MXD1: variants seen among roughly 807,000 people sequenced by gnomAD.
MXD1 encodes the protein MAX dimerization protein 1, also known as MAX-binding protein.
MXD1 carries 9 observed loss-of-function variants against 25.7 expected under a neutral mutation model. That is an observed-to-expected ratio of 0.35 (90% CI 0.21 to 0.61). The LOEUF (loss-of-function observed/expected upper bound fraction) is 0.61. Ranked by LOEUF, MXD1 falls within the 20% of genes least tolerant of loss-of-function variation. The pLI is 0.75. For missense variants in MXD1, 227 were observed against 292.4 expected (o/e 0.78, Z 1.63); for synonymous variants, 99 against 113.9 (o/e 0.87, Z 0.83).
chr2:69,920,135 C>T (rs1031861406), intron 2 of MXD1, among the ~76,000 whole-genome samples: 5 of 152,116 alleles, frequency 3.3e-5, no homozygotes, highest in East Asian at 1.9e-4. Flanking sequence ...ATTACAGGCA[C>T]GCGCCACCAC....
rs1017826130 is a variant in MXD1, at chr2:69,915,316, G to T, written c.-15G>T. On this transcript the variant is annotated 5_prime_UTR_variant, in exon 1 of 6. Transcript: ENST00000264444. This position sits in a 1 kb window ranked among gnomAD's most constrained non-coding sequence, Gnocchi z 5.8. ...CAGTGGGGGTTGGTCCCGTGGCTCCGGCCCCCGGTGCAGAATGGCGGCGGC... is the reference window on the plus strand; with the variant it reads ...CAGTGGGGGTTGGTCCCGTGGCTCCTGCCCCCGGTGCAGAATGGCGGCGGC... 3 of 1,308,630 alleles carry T rather than the reference G, an allele frequency of 2.3e-6. No homozygotes were observed. The highest frequency in any genetic ancestry group is 9.8e-7 in the Non-Finnish European group (1 of 1,019,920). 81.1% of individuals were successfully genotyped at this position (1,308,630 alleles called of 1,614,324 possible). A position where few individuals can be genotyped will look rare whatever the true frequency, so the allele number is the denominator to read the frequency against.
At chr2:69,937,673 G>C (rs3771530) in intron 5 of MXD1, among the ~76,000 whole-genome samples, 73,464 of 151,994 alleles carry the variant, frequency 0.48, 19,884 homozygotes, top group African/African-American at 0.75. Context: ...GGAGTGCAGT[G>C]GTGTGATCTT....
intron 5 of MXD1, 106 bp from the exon 6 acceptor site, chr2:69,937,991 C>T: frequency 9.6e-7 from 1 of 1,042,560 alleles, no homozygotes; most frequent in Non-Finnish European, 1.4e-6. Flanking sequence ...AAGTGATCCA[C>T]CCGCCTTTGC....
chr2:69,933,204 A>G (rs1353405609), intron 3 of MXD1, among the ~76,000 whole-genome samples: 1 of 39,526 alleles, frequency 2.5e-5, no homozygotes, highest in Non-Finnish European at 4.3e-5. Flanking sequence ...CTGTCTCAAA[A>G]AAAAAAAAAA....
chr2:69,920,742 G>A (rs1388311912), intron 2 of MXD1, among the ~76,000 whole-genome samples: 2 of 152,174 alleles, frequency 1.3e-5, no homozygotes, highest in Admixed American at 6.5e-5. Context: ...GAAAGGTCAA[G>A]CAAGATTCAG....
rs530003789 is a variant in MXD1 at position 69,926,427 on chromosome 2, C to G, written c.203+4662C>G. On this transcript the variant is annotated intron_variant, in intron 3 of 5. Transcript: ENST00000264444. ...CTGTGAATTCCCCAACCCCTAAATT[C>G]TTTGGGGAGTTTAAAAATTGACATT... is the stretch of plus-strand genomic sequence containing the variant. Among the ~76,000 whole-genome samples the G allele has an allele frequency of 2.6e-5, 4 of 151,734 alleles. No individual in the cohort carries two copies. In the South Asian group the frequency reaches 8.3e-4, roughly 32 times the overall value.
chr2:69,938,505 G>A lies in MXD1; in HGVS notation c.*221G>A. The A allele has an allele frequency of 3.8e-6, 2 of 531,986 alleles. No individual in the cohort carries two copies. The highest frequency in any genetic ancestry group is 3.3e-5 in the East Asian group (1 of 30,390). 33.0% of individuals were successfully genotyped at this position (531,986 alleles called of 1,614,324 possible). A position where few individuals can be genotyped will look rare whatever the true frequency, so the allele number is the denominator to read the frequency against. On this transcript the variant is annotated 3_prime_UTR_variant, in exon 6 of 6. Coordinates refer to ENST00000264444, the MANE Select transcript of MXD1 (RefSeq NM_002357.4). ...TCGCCATAAAAATTTGTCTCTGAGAGACTATACATTCCAATCAATTTGAAG... is the reference window on the plus strand; with the variant it reads ...TCGCCATAAAAATTTGTCTCTGAGAAACTATACATTCCAATCAATTTGAAG...
At position 69,915,766 on chromosome 2, in the gene MXD1, G is replaced by T. The variant is rs1213690598; in HGVS notation, c.74-355G>T. Among the ~76,000 whole-genome samples the T allele has an allele frequency of 6.6e-6, 1 of 152,224 alleles. No homozygotes were observed. The highest frequency in any genetic ancestry group is 1.5e-5 in the Non-Finnish European group (1 of 68,032). On this transcript the variant is annotated intron_variant, in intron 1 of 5. Transcript: ENST00000264444. The surrounding 1 kb of genome is among the most constrained non-coding windows in gnomAD (Gnocchi z 5.8). ...CCAGTCTCCTGGGCAGAGGAGCAGC[G>T]CCTCCCGGTCCCCGGCTCACGGTGC... is the stretch of plus-strand genomic sequence containing the variant.
chr2:69,934,685 G>C (rs1458556276), intron 3 of MXD1, among the ~76,000 whole-genome samples: 1 of 152,110 alleles, frequency 6.6e-6, no homozygotes, highest in Non-Finnish European at 1.5e-5. Flanking sequence ...AAGATAGCAT[G>C]GTATACTCAC....
Position 69,931,627 on chromosome 2 carries a change from A to T in MXD1, c.204-3724A>T, listed in dbSNP as rs187636597. On this transcript the variant is annotated intron_variant, in intron 3 of 5. Coordinates refer to ENST00000264444, the MANE Select transcript of MXD1 (RefSeq NM_002357.4). ...CATAGTGACTGAGTCAGAATTTTTT[A>T]AAAAAATTAAAAATCAACAAAATTT... Among the ~76,000 whole-genome samples the T allele has an allele frequency of 9.5e-4, 144 of 151,974 alleles. 1 individual carries two copies. In the East Asian group the frequency reaches 0.016, roughly 17 times the overall value.
At chr2:69,916,483 CA>C in intron 2 of MXD1, 4 of 272,392 alleles carry the variant, frequency 1.5e-5, no homozygotes, top group Non-Finnish European at 2.1e-5. Context: ...CCTTTTGGAA[CA>C]AAAAAATCTG....
At chr2:69,924,826 A>G (rs1677139942) in intron 3 of MXD1, among the ~76,000 whole-genome samples, 1 of 152,080 alleles carries the variant, frequency 6.6e-6, no homozygotes, top group South Asian at 2.1e-4. Context: ...TTTTCTTGAT[A>G]TTGCAGAGTT....
At chr2:69,916,947 C>G (rs1676972777) in intron 2 of MXD1, among the ~76,000 whole-genome samples, 1 of 152,214 alleles carries the variant, frequency 6.6e-6, no homozygotes, top group Non-Finnish European at 1.5e-5. Context: ...CTGGTACATG[C>G]AAATAGTCCA....
rs141185829 is a variant in MXD1 at position 69,938,149 on chromosome 2, C to G, written c.531C>G (p.Asp177Glu). ...CGGACTATCTCACAGGTGATCTGGA[C>G]TGGAGCAGCAGCAGTGTGAGCGACT... ...ESTDYLTGDL[D>E]WSSSSVSDSD... Residue 177 changes from aspartate (D) to glutamate (E), a missense_variant, in exon 6 of 6, where the codon GAC becomes GAG. Asp to Glu is a conservative substitution (Grantham distance 45). Transcript: ENST00000264444. The G allele has an allele frequency of 4.0e-5, 64 of 1,614,232 alleles. No individual in the cohort carries two copies. In the African/African-American group the frequency reaches 8.0e-4, roughly 20 times the overall value.
At chr2:69,926,661 A>C (rs997441552) in intron 3 of MXD1, among the ~76,000 whole-genome samples, 3 of 152,224 alleles carry the variant, frequency 2.0e-5, no homozygotes, top group Non-Finnish European at 4.4e-5. Flanking sequence ...TTGGTTTCCC[A>C]TCTTAGTTAA....
chr2:69,932,404 G>A (rs930504452), intron 3 of MXD1, among the ~76,000 whole-genome samples: 7 of 152,196 alleles, frequency 4.6e-5, no homozygotes, highest in Admixed American at 1.3e-4. Flanking sequence ...GGGCACCAGT[G>A]TGGGGATGTC....
chr2:69,924,860 T>C (rs1381265998), intron 3 of MXD1, among the ~76,000 whole-genome samples: 1 of 152,232 alleles, frequency 6.6e-6, no homozygotes, highest in Non-Finnish European at 1.5e-5. Flanking sequence ...TTAGTTTTCT[T>C]GAATGGAAAC....
Position 69,940,441 on chromosome 2 carries a change from T to TG in MXD1, c.*2159dup, listed in dbSNP as rs1204063589. ...GGACAGCATCAAAAGCTCAAGACTT[T>TG]GGAAAAAGCTTGTGGGCTTGCACTG... is the stretch of plus-strand genomic sequence containing the variant. On this transcript the variant is annotated 3_prime_UTR_variant, in exon 6 of 6. Transcript: ENST00000264444. 6.6e-6 allele frequency: 1 copy of TG among 152,616 alleles called. No homozygotes were observed. Among genetic ancestry groups the TG allele is most frequent in the Non-Finnish European group, 1.5e-5 (1 of 68,012 alleles). 9.5% of individuals were successfully genotyped at this position (152,616 alleles called of 1,614,324 possible). A position where few individuals can be genotyped will look rare whatever the true frequency, so the allele number is the denominator to read the frequency against.
At chr2:69,936,657 AAAATGAGTATTCTATGG>A (rs1677451234) in intron 4 of MXD1, among the ~76,000 whole-genome samples, 1 of 152,206 alleles carries the variant, frequency 6.6e-6, no homozygotes, top group Admixed American at 6.5e-5. Context: ...CAGATTTATA[AAAATGAGTATTCTATGG>A]AAATGTGTTT....
Sources: gnomAD v4.1 joint callset for allele counts (sites outside exome capture counted in the v4.1 genomes callset) on GRCh38, gnomAD v4.1.1 for gene constraint, Gnocchi (gnomAD v3.1) non-coding constraint, MANE v1.5 for transcripts, NCBI Gene and HGNC (gene_info 2026-07-23, HGNC 2026-07-21) for gene names.